Variants in EBF1 observed in about 807,000 individuals in gnomAD.
EBF1 encodes the protein EBF transcription factor 1, also known as transcription factor COE1.
A neutral mutation model predicts 68.4 loss-of-function variants in EBF1; 10 were observed. The ratio of observed to expected loss-of-function variants is 0.15; its 90% CI spans 0.09 to 0.25. The LOEUF is 0.25. EBF1 is among the 10% of genes least tolerant of loss of function. The probability of loss-of-function intolerance (pLI) is 1.00; values close to 1 mark genes in which losing one functional copy is unlikely to be tolerated. For missense variants in EBF1, 509 were observed against 794.4 expected, an observed-to-expected ratio of 0.64 and a Z score of 4.32; for synonymous variants, 298 against 299.8, an observed-to-expected ratio of 0.99 and a Z score of 0.06.
intron 6 of EBF1, among the ~76,000 whole-genome samples, chr5:159,016,471 A>C (rs2127698227): frequency 6.6e-6 from 1 of 152,348 alleles, no homozygotes; most frequent in South Asian, 2.1e-4. Flanking sequence ...TTAACTCAAA[A>C]TGTGAGTTAA....
Position 159,051,453 on chromosome 5 carries a change from G to A in EBF1, c.554+21943C>T, listed in dbSNP as rs1236771724. 6.0e-5 allele frequency among the ~76,000 whole-genome samples: 5 copies of A among 82,838 alleles called. No individual in the cohort carries two copies. The East Asian group carries it at 1.6e-3, about 27-fold the overall frequency. The allele number at this position is 82,838 out of a possible 152,430, so 54.3% of individuals were successfully genotyped here. ...CAGCCCCCCACCCCCCCACCCCGCCGCCCGGCGGCTGACGGCTCCCGCTCC... is the reference window on the plus strand; with the variant it reads ...CAGCCCCCCACCCCCCCACCCCGCCACCCGGCGGCTGACGGCTCCCGCTCC... On this transcript the variant is annotated intron_variant, in intron 6 of 15. Coordinates refer to ENST00000313708, the MANE Select transcript of EBF1 (RefSeq NM_024007.5).
intron 15 of EBF1, among the ~76,000 whole-genome samples, chr5:158,705,460 G>A (rs1757670052): frequency 6.6e-6 from 1 of 152,204 alleles, no homozygotes; most frequent in South Asian, 2.1e-4. Flanking sequence ...CTGTGGCCCT[G>A]TGTTAGGAAA....
At chr5:159,076,349 G>A (rs1393217113) in intron 5 of EBF1, among the ~76,000 whole-genome samples, 1 of 152,136 alleles carries the variant, frequency 6.6e-6, no homozygotes, top group East Asian at 1.9e-4. Flanking sequence ...GTTGATGGAA[G>A]GAAGGTGCAC....
intron 10 of EBF1, among the ~76,000 whole-genome samples, chr5:158,767,296 A>T (rs1159531438): frequency 6.6e-6 from 1 of 152,196 alleles, no homozygotes; most frequent in Non-Finnish European, 1.5e-5. Flanking sequence ...CCATATAAGT[A>T]TGCATTATGT....
intron 10 of EBF1, among the ~76,000 whole-genome samples, chr5:158,774,212 A>G (rs574824361): frequency 6.6e-6 from 1 of 152,198 alleles, no homozygotes; most frequent in East Asian, 1.9e-4. Context: ...TGAAGAACCA[A>G]TGAGGGAGAG....
chr5:158,957,268 G>A (rs949794003), intron 6 of EBF1, among the ~76,000 whole-genome samples: 1 of 152,084 alleles, frequency 6.6e-6, no homozygotes, highest in African/African-American at 2.4e-5. Flanking sequence ...TTTTCTGTAA[G>A]GTATTATTAA....
intron 6 of EBF1, among the ~76,000 whole-genome samples, chr5:159,048,759 C>G (rs769408449): frequency 6.6e-6 from 1 of 152,164 alleles, no homozygotes; most frequent in Admixed American, 6.5e-5. Context: ...ACTAAGAAAG[C>G]CTCTGATCTA....
At chr5:158,897,573 A>G (rs1228270045) in intron 6 of EBF1, among the ~76,000 whole-genome samples, 2 of 151,930 alleles carry the variant, frequency 1.3e-5, no homozygotes, top group Admixed American at 1.3e-4. Flanking sequence ...CCTGAACTTA[A>G]ACGTTAAAAA....
At chr5:159,093,046 G>A (rs1279513062) in intron 4 of EBF1, among the ~76,000 whole-genome samples, 4 of 152,266 alleles carry the variant, frequency 2.6e-5, no homozygotes, top group Non-Finnish European at 2.9e-5. Context: ...TCAAGCTAGA[G>A]GAAAATTAAC....
At position 158,696,710 on chromosome 5, in the gene EBF1, A is replaced by G. The variant is rs1413385525; in HGVS notation, c.*2401T>C. On this transcript the variant is annotated 3_prime_UTR_variant, in exon 16 of 16. Coordinates refer to ENST00000313708, the MANE Select transcript of EBF1 (RefSeq NM_024007.5). ...TTCCTCCCTCCCCTACCCTCCCACAACTCCCCTCCCCCACCCACCCCAACC... is the reference window on the plus strand; with the variant it reads ...TTCCTCCCTCCCCTACCCTCCCACAGCTCCCCTCCCCCACCCACCCCAACC... The G allele has an allele frequency of 1.1e-5, 2 of 178,498 alleles. No individual in the cohort carries two copies. The highest frequency in any genetic ancestry group is 1.3e-4 in the Admixed American group (2 of 15,010). The allele number at this position is 178,498 out of a possible 1,614,324, so 11.1% of individuals were successfully genotyped here. A position where few individuals can be genotyped will look rare whatever the true frequency, so the allele number is the denominator to read the frequency against.
intron 3 of EBF1, among the ~76,000 whole-genome samples, chr5:159,095,985 G>C (rs1173800801): frequency 6.6e-6 from 1 of 152,310 alleles, no homozygotes; most frequent in Non-Finnish European, 1.5e-5. Flanking sequence ...CTCTGCTCTC[G>C]CACACAGCCT....
intron 6 of EBF1, among the ~76,000 whole-genome samples, chr5:159,006,118 C>G (rs1763491177): frequency 6.6e-6 from 1 of 152,188 alleles, no homozygotes; most frequent in Non-Finnish European, 1.5e-5. Context: ...GAAACTCTGT[C>G]TAGAAGGCTG....
At chr5:158,790,282 G>A (rs1778348453) in intron 9 of EBF1, among the ~76,000 whole-genome samples, 1 of 152,152 alleles carries the variant, frequency 6.6e-6, no homozygotes, top group African/African-American at 2.4e-5. Flanking sequence ...CAAAATATGA[G>A]GGAAATTTTG....
At chr5:158,726,507 T>C (rs1249594541) in intron 11 of EBF1, among the ~76,000 whole-genome samples, 1 of 152,194 alleles carries the variant, frequency 6.6e-6, no homozygotes, top group Non-Finnish European at 1.5e-5. Context: ...GTAATGTGTA[T>C]TTATTACTCC....
intron 11 of EBF1, among the ~76,000 whole-genome samples, chr5:158,730,765 C>A (rs570131568): frequency 5.9e-5 from 9 of 152,262 alleles, no homozygotes; most frequent in Middle Eastern, 3.4e-3. Flanking sequence ...GCTATGTGAC[C>A]TTGAGCAAAT....
chr5:158,706,458 A>G (rs1757907901), intron 15 of EBF1, among the ~76,000 whole-genome samples: 1 of 152,180 alleles, frequency 6.6e-6, no homozygotes, highest in African/African-American at 2.4e-5. Context: ...TTAAGCCTCA[A>G]GTTTCCCATC....
intron 15 of EBF1, 151 bp from the exon 16 acceptor site, chr5:158,699,293 AT>A (rs1324701531): frequency 1.5e-6 from 1 of 676,352 alleles, no homozygotes; most frequent in Non-Finnish European, 2.4e-6. Flanking sequence ...TCTGGAATGA[AT>A]TTTCGTTATA....
chr5:158,805,306 C>T (rs1005576368), intron 8 of EBF1, among the ~76,000 whole-genome samples: 22 of 152,084 alleles, frequency 1.4e-4, no homozygotes, highest in African/African-American at 3.9e-4. Context: ...AAATCTGTGA[C>T]GCTAATCTTG....
At chr5:159,067,400 G>A (rs188966936) in intron 6 of EBF1, among the ~76,000 whole-genome samples, 8 of 152,240 alleles carry the variant, frequency 5.3e-5, no homozygotes, top group East Asian at 1.9e-4. Context: ...CTGAAGCTCC[G>A]TTAAATACAT....
Sources: gnomAD v4.1 joint callset for allele counts (sites outside exome capture counted in the v4.1 genomes callset) on GRCh38, gnomAD v4.1.1 for gene constraint, MANE v1.5 for transcripts, NCBI Gene and HGNC (gene_info 2026-07-23, HGNC 2026-07-21) for gene names.